LRRC3B: variants seen among roughly 807,000 people sequenced by gnomAD.
LRRC3B encodes leucine-rich repeat-containing protein 3B.
In LRRC3B, 2 loss-of-function variants were observed where a neutral mutation model predicts 12.8. The ratio of observed to expected loss-of-function variants is 0.16; its 90% CI spans 0.06 to 0.49. The LOEUF is 0.49. Among genes scored for constraint, LRRC3B ranks in the 20% least tolerant of loss-of-function variants. The pLI is 0.96. For missense variants in LRRC3B, 189 were observed against 319.4 expected (o/e 0.59, Z 3.11); for synonymous variants, 132 against 122.0 (o/e 1.08, Z -0.54).
intron 1 of LRRC3B, among the ~76,000 whole-genome samples, chr3:26,650,167 T>G (rs778670898): frequency 6.6e-6 from 1 of 152,244 alleles, no homozygotes; most frequent in African/African-American, 2.4e-5. Flanking sequence ...TGTCTCCACT[T>G]ACTGCCTACC....
chr3:26,708,405 G>A (rs899433856), intron 1 of LRRC3B, among the ~76,000 whole-genome samples: 1 of 152,186 alleles, frequency 6.6e-6, no homozygotes, highest in Admixed American at 6.5e-5. Flanking sequence ...AGATGAGACT[G>A]GAAGAGAGTG....
chr3:26,634,271 G>T (rs573250802), intron 1 of LRRC3B, among the ~76,000 whole-genome samples: 38 of 152,188 alleles, frequency 2.5e-4, no homozygotes, highest in Non-Finnish European at 4.1e-4. Flanking sequence ...CCCTTGCAAA[G>T]AATCAGACAA....
At chr3:26,641,483 C>A (rs1327569779) in intron 1 of LRRC3B, among the ~76,000 whole-genome samples, 1 of 152,172 alleles carries the variant, frequency 6.6e-6, no homozygotes, top group Non-Finnish European at 1.5e-5. Flanking sequence ...CATGGCCAAC[C>A]TCGACTGGAT....
intron 1 of LRRC3B, among the ~76,000 whole-genome samples, chr3:26,660,953 A>G (rs973351472): frequency 1.3e-5 from 2 of 152,226 alleles, no homozygotes; most frequent in African/African-American, 4.8e-5. Flanking sequence ...TTAAAATAAT[A>G]CAAATTATCC....
intron 1 of LRRC3B, among the ~76,000 whole-genome samples, chr3:26,675,172 A>G (rs1334584273): frequency 1.3e-5 from 2 of 152,220 alleles, no homozygotes; most frequent in Non-Finnish European, 2.9e-5. Context: ...ATAAGCAGGT[A>G]GATACAGGTA....
At chr3:26,708,998 T>C (rs1700679172) in intron 1 of LRRC3B, among the ~76,000 whole-genome samples, 1 of 152,218 alleles carries the variant, frequency 6.6e-6, no homozygotes, top group Admixed American at 6.5e-5. Flanking sequence ...TTTATTATTT[T>C]CTTAATTCAA....
At chr3:26,665,872 C>G (rs1222616879) in intron 1 of LRRC3B, among the ~76,000 whole-genome samples, 2 of 152,140 alleles carry the variant, frequency 1.3e-5, no homozygotes, top group Admixed American at 6.6e-5. Flanking sequence ...GAAAATCTGT[C>G]TAACTGGGTT....
chr3:26,702,409 T>G (rs1465807921), intron 1 of LRRC3B, among the ~76,000 whole-genome samples: 1 of 152,174 alleles, frequency 6.6e-6, no homozygotes, highest in Non-Finnish European at 1.5e-5. Flanking sequence ...AAATGGCTCA[T>G]GGGCCAGAAC....
At chr3:26,639,553 A>G (rs1238465398) in intron 1 of LRRC3B, among the ~76,000 whole-genome samples, 2 of 139,872 alleles carry the variant, frequency 1.4e-5, no homozygotes, top group Admixed American at 7.0e-5. Flanking sequence ...TAAATTAATC[A>G]CAGTTAAATA....
At chr3:26,683,392 T>A (rs1402479218) in intron 1 of LRRC3B, among the ~76,000 whole-genome samples, 1 of 151,924 alleles carries the variant, frequency 6.6e-6, no homozygotes, top group Non-Finnish European at 1.5e-5. Context: ...TCAGCAGTTG[T>A]AGCATCATAT....
At chr3:26,639,872 C>T (rs530264979) in intron 1 of LRRC3B, among the ~76,000 whole-genome samples, 3 of 152,238 alleles carry the variant, frequency 2.0e-5, no homozygotes, top group Admixed American at 2.0e-4. Flanking sequence ...AAAGGCCTTT[C>T]CTTATGAGTA....
Position 26,679,743 on chromosome 3 carries a change from A to C in LRRC3B, c.-160-29770A>C, listed in dbSNP as rs139661798. ...CCTGCCCTCCTCCACCAGAATGTGG[A>C]GCTTTATGAGGGCAGAAACCTTGTC... is the stretch of plus-strand genomic sequence containing the variant. On this transcript the variant is annotated intron_variant, in intron 1 of 1. Coordinates refer to ENST00000396641, the Ensembl canonical transcript of LRRC3B. Among the ~76,000 whole-genome samples, 3 of 152,200 alleles carry C rather than the reference A, an allele frequency of 2.0e-5. No individual in the cohort carries two copies. In the East Asian group the frequency reaches 5.8e-4, roughly 29 times the overall value.
intron 1 of LRRC3B, among the ~76,000 whole-genome samples, chr3:26,691,062 CATAT>C (rs1038170901): frequency 1.9e-5 from 2 of 104,372 alleles, no homozygotes; most frequent in African/African-American, 7.5e-5. Flanking sequence ...TATGTACATA[CATAT>C]ATATATGTAT....
At chr3:26,639,197 A>T (rs1698967077) in intron 1 of LRRC3B, among the ~76,000 whole-genome samples, 1 of 152,348 alleles carries the variant, frequency 6.6e-6, no homozygotes, top group East Asian at 1.9e-4. Context: ...TGTAAAAAGA[A>T]AAAGGTATAG....
intron 1 of LRRC3B, among the ~76,000 whole-genome samples, chr3:26,647,665 C>T (rs1349849312): frequency 6.6e-6 from 1 of 152,196 alleles, no homozygotes; most frequent in African/African-American, 2.4e-5. Flanking sequence ...GCGTTTCTGA[C>T]ACATGATTTA....
intron 1 of LRRC3B, among the ~76,000 whole-genome samples, chr3:26,698,602 T>C (rs1475340438): frequency 1.3e-5 from 2 of 152,130 alleles, no homozygotes; most frequent in East Asian, 3.9e-4. Context: ...AAATTTTTAC[T>C]TGAAAAATTT....
chr3:26,697,711 C>G (rs960722550), intron 1 of LRRC3B, among the ~76,000 whole-genome samples: 1 of 152,136 alleles, frequency 6.6e-6, no homozygotes, highest in Non-Finnish European at 1.5e-5. Flanking sequence ...ACTCAGAGTA[C>G]AAAATCTCAT....
chr3:26,691,115 A>G lies in LRRC3B; in HGVS notation c.-160-18398A>G, dbSNP rs1052392368. On this transcript the variant is annotated intron_variant, in intron 1 of 1. Coordinates refer to ENST00000396641, the Ensembl canonical transcript of LRRC3B. ...TATGTGTGTGTGTGTGTATATATAT[A>G]TATATATATATATATATATGAGACA... Among the ~76,000 whole-genome samples the G allele has an allele frequency of 2.9e-4, 40 of 139,854 alleles. No individual in the cohort carries two copies. The East Asian group carries it at 5.3e-3, about 19-fold the overall frequency. The allele number at this position is 139,854 out of a possible 152,430, so 91.7% of individuals were successfully genotyped here. A position where few individuals can be genotyped will look rare whatever the true frequency, so the allele number is the denominator to read the frequency against.
At chr3:26,682,121 C>A (rs1559365348) in intron 1 of LRRC3B, among the ~76,000 whole-genome samples, 1 of 152,132 alleles carries the variant, frequency 6.6e-6, no homozygotes. Flanking sequence ...ATCCACCTAT[C>A]TGGGGACTAT....
Sources: gnomAD v4.1 joint callset for allele counts (sites outside exome capture counted in the v4.1 genomes callset) on GRCh38, gnomAD v4.1.1 for gene constraint, MANE v1.5 for transcripts, NCBI Gene and HGNC (gene_info 2026-07-23, HGNC 2026-07-21) for gene names.